Variants in WBP1L observed in about 807,000 individuals in gnomAD.
WBP1L encodes WW domain binding protein 1 like, also known as WW domain binding protein 1-like.
In WBP1L, 17 loss-of-function variants were observed where a neutral mutation model predicts 33.7. That is an observed-to-expected ratio of 0.50 (90% CI 0.34 to 0.76). The LOEUF (loss-of-function observed/expected upper bound fraction) is 0.76, where lower values mean the gene tolerates loss of function less well. Among genes scored for constraint, WBP1L ranks in the 30% least tolerant of loss-of-function variants. The probability of loss-of-function intolerance (pLI) is 0.01; values close to 1 mark genes in which losing one functional copy is unlikely to be tolerated. For synonymous variants in WBP1L, 173 were observed against 190.8 expected, an observed-to-expected ratio of 0.91 and a Z score of 0.77; for missense variants, 389 against 469.4, an observed-to-expected ratio of 0.83 and a Z score of 1.58.
chr10:102,775,630 A>G (rs546261208), intron 1 of WBP1L, among the ~76,000 whole-genome samples: 208 of 152,326 alleles, frequency 1.4e-3, no homozygotes, highest in African/African-American at 4.7e-3. Context: ...AGGGCTCGAA[A>G]GGTCAGTGTC....
chr10:102,778,366 T>C (rs949608593), intron 1 of WBP1L, among the ~76,000 whole-genome samples: 2 of 152,204 alleles, frequency 1.3e-5, no homozygotes, highest in Admixed American at 6.5e-5. Flanking sequence ...CCTCTTACTC[T>C]ACCGAGACAC....
intron 1 of WBP1L, chr10:102,776,192 C>T: frequency 1.4e-6 from 2 of 1,461,964 alleles, no homozygotes; most frequent in South Asian, 2.8e-5. Flanking sequence ...CAGAGCCAGG[C>T]AGGGGGAGTA....
intron 1 of WBP1L, among the ~76,000 whole-genome samples, chr10:102,758,442 A>G (rs889691396): frequency 2.0e-5 from 3 of 152,136 alleles, no homozygotes. Context: ...TCTATTCTGG[A>G]CATTTCATAT....
At chr10:102,811,425 A>C (rs1312999171) in intron 3 of WBP1L, among the ~76,000 whole-genome samples, 1 of 152,228 alleles carries the variant, frequency 6.6e-6, no homozygotes, top group Non-Finnish European at 1.5e-5. Flanking sequence ...TCATATGGTC[A>C]GTGGAGGCCC....
chr10:102,761,378 A>G (rs758799090), intron 1 of WBP1L, among the ~76,000 whole-genome samples: 43 of 151,784 alleles, frequency 2.8e-4, no homozygotes, highest in Admixed American at 5.3e-4. Flanking sequence ...GACCTCAGGC[A>G]ATCTGCCTGC....
intron 1 of WBP1L, among the ~76,000 whole-genome samples, chr10:102,781,288 C>T (rs906665020): frequency 7.2e-5 from 11 of 152,148 alleles, no homozygotes; most frequent in African/African-American, 2.2e-4. Context: ...GGGGAATTGC[C>T]GGCTTCCAAT....
intron 2 of WBP1L, among the ~76,000 whole-genome samples, chr10:102,806,644 T>C (rs1590192990): frequency 6.6e-6 from 1 of 152,240 alleles, no homozygotes; most frequent in African/African-American, 2.4e-5. Flanking sequence ...TCCTGTCTGC[T>C]GATGGGTAAC....
chr10:102,751,818 T>C (rs1842926634), intron 1 of WBP1L, among the ~76,000 whole-genome samples: 1 of 152,164 alleles, frequency 6.6e-6, no homozygotes, highest in Non-Finnish European at 1.5e-5. Flanking sequence ...GTGCCTCAGC[T>C]TCCTCATCTA....
At chr10:102,791,148 C>T (rs1313536991) in intron 1 of WBP1L, among the ~76,000 whole-genome samples, 1 of 152,108 alleles carries the variant, frequency 6.6e-6, no homozygotes, top group African/African-American at 2.4e-5. Context: ...TTCAGGTGGG[C>T]CCAAGATCAA....
In WBP1L at chr10:102,784,136, G is replaced by A. The variant is rs1843375740; in HGVS notation, c.91-13857G>A. 2.6e-5 allele frequency among the ~76,000 whole-genome samples: 4 copies of A among 152,094 alleles called. No homozygotes were observed. In the South Asian group the frequency reaches 8.3e-4, roughly 32 times the overall value. ...TCCATCTGAAAAGTCGGATGGAACT[G>A]ACGTTTCATCCCTTACTCAAATAAC... On this transcript the variant is annotated intron_variant, in intron 1 of 3. Transcript: ENST00000448841.
At chr10:102,806,059 A>AAG (rs1843729356) in intron 2 of WBP1L, among the ~76,000 whole-genome samples, 3 of 150,778 alleles carry the variant, frequency 2.0e-5, no homozygotes, top group Admixed American at 2.0e-4. Context: ...AAAAAAAAAA[A>AAG]CCAATTAGAT....
At chr10:102,793,929 C>T (rs1843537147) in intron 1 of WBP1L, among the ~76,000 whole-genome samples, 1 of 152,072 alleles carries the variant, frequency 6.6e-6, no homozygotes. Flanking sequence ...ACATCACACC[C>T]AGCTAATTGT....
chr10:102,803,165 T>C (rs1843682197), intron 2 of WBP1L, among the ~76,000 whole-genome samples: 1 of 152,210 alleles, frequency 6.6e-6, no homozygotes, highest in Admixed American at 6.5e-5. Flanking sequence ...CAGAAGAAGT[T>C]GCGAGTCTCT....
At chr10:102,765,490 T>TTACAGG (rs1843094937) in intron 1 of WBP1L, among the ~76,000 whole-genome samples, 1 of 152,168 alleles carries the variant, frequency 6.6e-6, no homozygotes, top group Non-Finnish European at 1.5e-5. Context: ...CTCCTTGGCC[T>TTACAGG]CCCAAAGTGC....
intron 2 of WBP1L, among the ~76,000 whole-genome samples, chr10:102,805,303 T>A (rs866566374): frequency 1.3e-5 from 2 of 152,114 alleles, no homozygotes; most frequent in African/African-American, 2.4e-5. Flanking sequence ...TTAAATTTTT[T>A]AAAAAATTGT....
Position 102,778,339 on chromosome 10 carries a change from G to C in WBP1L, c.91-19654G>C, listed in dbSNP as rs143771210. 6.4e-3 allele frequency among the ~76,000 whole-genome samples: 981 copies of C among 152,310 alleles called. 5 individuals are homozygous for C. The highest frequency in any genetic ancestry group is 9.4e-3 in the Non-Finnish European group (639 of 68,024). ...TCAGTGACTGCCATTGTGCAGTGAC[G>C]TACAGCTGGGAGGCCACCTCTTACT... On this transcript the variant is annotated intron_variant, in intron 1 of 3. Transcript: ENST00000448841.
At chr10:102,767,660 G>T (rs967260693) in intron 1 of WBP1L, among the ~76,000 whole-genome samples, 1 of 152,104 alleles carries the variant, frequency 6.6e-6, no homozygotes, top group East Asian at 1.9e-4. Context: ...GACTGGGAAA[G>T]CCCCAAAGTT....
At chr10:102,757,860 G>A (rs1460445525) in intron 1 of WBP1L, among the ~76,000 whole-genome samples, 11 of 104,438 alleles carry the variant, frequency 1.1e-4, no homozygotes, top group African/African-American at 4.2e-4. Flanking sequence ...TACAGCATGA[G>A]CCACTGTACC....
At chr10:102,752,471 T>G (rs1248096765) in intron 1 of WBP1L, among the ~76,000 whole-genome samples, 1 of 152,196 alleles carries the variant, frequency 6.6e-6, no homozygotes, top group East Asian at 1.9e-4. Flanking sequence ...TCAGCCAACA[T>G]CAAACATTTT....
Sources: allele counts gnomAD v4.1 joint callset (sites outside exome capture counted in the v4.1 genomes callset), GRCh38; gene constraint gnomAD v4.1.1; transcripts MANE v1.5; gene names NCBI Gene and HGNC (gene_info 2026-07-23, HGNC 2026-07-21).